DLGAP1: variants seen among roughly 807,000 people sequenced by gnomAD.
The protein encoded by DLGAP1 is disks large-associated protein 1.
In DLGAP1, 11 loss-of-function variants were observed where a neutral mutation model predicts 90.8. The observed-to-expected ratio is 0.12, with a 90% confidence interval of 0.08 to 0.20. The LOEUF is 0.20. DLGAP1 is among the 10% of genes least tolerant of loss of function. DLGAP1 has a pLI of 1.00. For missense variants in DLGAP1, 1,050 were observed against 1,333.8 expected, an observed-to-expected ratio of 0.79 and a Z score of 3.31; for synonymous variants, 558 against 540.7, an observed-to-expected ratio of 1.03 and a Z score of -0.44.
intron 8 of DLGAP1, among the ~76,000 whole-genome samples, chr18:3,568,871 A>G (rs182839362): frequency 0.011 from 1,700 of 152,128 alleles, 39 homozygotes; most frequent in African/African-American, 0.039. Context: ...TATTTTTAGT[A>G]GAGACGGGGT....
At chr18:4,320,207 C>T (rs528017644) in intron 1 of DLGAP1, among the ~76,000 whole-genome samples, 1 of 152,108 alleles carries the variant, frequency 6.6e-6, no homozygotes, top group African/African-American at 2.4e-5. Context: ...TTCTTCCTCC[C>T]ACGATTTTCA....
In DLGAP1 at chr18:4,376,382, A is replaced by T. The variant is rs76206090; in HGVS notation, c.-267+78624T>A. On this transcript the variant is annotated intron_variant, in intron 1 of 12. Transcript: ENST00000315677. ...CTCCCTTTGTGGAATCCACGTAGAAATCACTGAATTCTGTGTTCTTCCTCC... is the reference window on the plus strand; with the variant it reads ...CTCCCTTTGTGGAATCCACGTAGAATTCACTGAATTCTGTGTTCTTCCTCC... Among the ~76,000 whole-genome samples the T allele has an allele frequency of 3.7e-3, 570 of 152,274 alleles. 1 individual carries two copies. The highest frequency in any genetic ancestry group is 0.013 in the African/African-American group (552 of 41,552).
intron 2 of DLGAP1, among the ~76,000 whole-genome samples, chr18:4,119,974 G>A (rs2076127115): frequency 6.6e-6 from 1 of 152,112 alleles, no homozygotes; most frequent in African/African-American, 2.4e-5. Context: ...GCCATTGAAA[G>A]TGAAAAAGAG....
intron 2 of DLGAP1, 41 bp from the exon 3 acceptor site, chr18:4,005,242 T>C (rs887977833): frequency 6.6e-6 from 1 of 152,128 alleles, no homozygotes; most frequent in African/African-American, 2.4e-5. Context: ...CCTGGTCACA[T>C]ACAAATGAAA....
At chr18:3,796,484 A>T (rs977142234) in intron 5 of DLGAP1, among the ~76,000 whole-genome samples, 9 of 152,342 alleles carry the variant, frequency 5.9e-5, no homozygotes, top group African/African-American at 2.2e-4. Flanking sequence ...TGAGTACTGT[A>T]TATGAAAAAT....
intron 1 of DLGAP1, among the ~76,000 whole-genome samples, chr18:4,449,207 T>C (rs2083752677): frequency 6.6e-6 from 1 of 152,220 alleles, no homozygotes; most frequent in Non-Finnish European, 1.5e-5. Context: ...ACAATTAATC[T>C]ACTAATATGT....
intron 1 of DLGAP1, among the ~76,000 whole-genome samples, chr18:4,276,919 A>T (rs1317584757): frequency 6.6e-6 from 1 of 152,230 alleles, no homozygotes; most frequent in Non-Finnish European, 1.5e-5. Flanking sequence ...GTGTATCTTA[A>T]ATTATTTGTT....
chr18:4,399,470 G>A (rs1388150537), intron 1 of DLGAP1, among the ~76,000 whole-genome samples: 3 of 152,152 alleles, frequency 2.0e-5, no homozygotes, highest in Non-Finnish European at 4.4e-5. Context: ...GCGTCAGAAC[G>A]CTTATCTGTC....
At chr18:3,733,975 T>C (rs1036158308) in intron 6 of DLGAP1, among the ~76,000 whole-genome samples, 2 of 152,230 alleles carry the variant, frequency 1.3e-5, no homozygotes, top group African/African-American at 4.8e-5. Flanking sequence ...CTTTAAAGTC[T>C]TGTAATTTTA....
intron 11 of DLGAP1, among the ~76,000 whole-genome samples, chr18:3,508,335 G>A (rs2050359882): frequency 6.6e-6 from 1 of 152,046 alleles, no homozygotes; most frequent in South Asian, 2.1e-4. Flanking sequence ...AAAGAAGCAG[G>A]AAATAATTTT....
At chr18:3,524,675 G>A (rs902832129) in intron 10 of DLGAP1, among the ~76,000 whole-genome samples, 1 of 152,124 alleles carries the variant, frequency 6.6e-6, no homozygotes, top group African/African-American at 2.4e-5. Flanking sequence ...TTGAACCTAG[G>A]AGTTCAAGAC....
At chr18:4,432,618 G>GTGTGTGTA (rs1330661926) in intron 1 of DLGAP1, among the ~76,000 whole-genome samples, 1 of 151,952 alleles carries the variant, frequency 6.6e-6, no homozygotes. Flanking sequence ...GTGTGTGTGT[G>GTGTGTGTA]TGTGTGTGGT....
chr18:4,276,847 G>C (rs568594351), intron 1 of DLGAP1, among the ~76,000 whole-genome samples: 1 of 152,266 alleles, frequency 6.6e-6, no homozygotes, highest in African/African-American at 2.4e-5. Flanking sequence ...TTCTGTGTCT[G>C]ACTAGAGTTG....
intron 1 of DLGAP1, among the ~76,000 whole-genome samples, chr18:4,445,928 G>A (rs906597528): frequency 1.3e-5 from 2 of 151,904 alleles, no homozygotes; most frequent in African/African-American, 4.8e-5. Flanking sequence ...CTTCCTCCTG[G>A]TAAAACAGTC....
chr18:3,836,787 A>T (rs1490243114), intron 4 of DLGAP1, among the ~76,000 whole-genome samples: 1 of 152,210 alleles, frequency 6.6e-6, no homozygotes. Context: ...GCGTTGTTTT[A>T]TCACGACTGC....
chr18:3,776,519 G>C (rs1281927567), intron 5 of DLGAP1, among the ~76,000 whole-genome samples: 1 of 152,182 alleles, frequency 6.6e-6, no homozygotes, highest in Admixed American at 6.5e-5. Context: ...CATGGGACCA[G>C]TTCTTGGCTT....
intron 8 of DLGAP1, among the ~76,000 whole-genome samples, chr18:3,576,557 C>T (rs1483665168): frequency 2.4e-4 from 36 of 150,772 alleles, no homozygotes; most frequent in Non-Finnish European, 3.8e-4. Flanking sequence ...GCGCAGCCAG[C>T]TCCAGCTCCT....
intron 1 of DLGAP1, among the ~76,000 whole-genome samples, chr18:4,180,739 TG>T (rs2077193433): frequency 6.6e-6 from 1 of 152,160 alleles, no homozygotes; most frequent in Non-Finnish European, 1.5e-5. Flanking sequence ...ATTCTTTAGA[TG>T]GGGAAGGTTT....
At chr18:3,984,126 G>A (rs1396572239) in intron 3 of DLGAP1, 1 of 152,104 alleles carries the variant, frequency 6.6e-6, no homozygotes, top group African/African-American at 2.4e-5. Context: ...AAAATCCTAA[G>A]ACAAAGCACA....
Sources: gnomAD v4.1 joint callset for allele counts (sites outside exome capture counted in the v4.1 genomes callset) on GRCh38, gnomAD v4.1.1 for gene constraint, MANE v1.5 for transcripts, NCBI Gene and HGNC (gene_info 2026-07-23, HGNC 2026-07-21) for gene names.